DOCK2: variants seen among roughly 807,000 people sequenced by gnomAD.
DOCK2 encodes the protein dedicator of cytokinesis protein 2.
In DOCK2, 87 loss-of-function variants were observed where a neutral mutation model predicts 248.9. The observed-to-expected ratio is 0.35, with a 90% CI of 0.29 to 0.42. The LOEUF (loss-of-function observed/expected upper bound fraction) is 0.42, where lower values mean the gene tolerates loss of function less well. Among genes scored for constraint, DOCK2 ranks in the 10% least tolerant of loss-of-function variants. The pLI is 1.00. For missense variants in DOCK2, 1,747 were observed against 2,300.2 expected (o/e 0.76, Z 4.92); for synonymous variants, 805 against 821.6 (o/e 0.98, Z 0.35).
rs550129399 is a variant in DOCK2, at chr5:169,753,364, C to A, written c.2376+5860C>A. Among the ~76,000 whole-genome samples, 4 of 151,780 alleles carry A rather than the reference C, an allele frequency of 2.6e-5. No individual in the cohort carries two copies. The South Asian group carries it at 6.3e-4, about 24-fold the overall frequency. On this transcript the variant is annotated intron_variant, in intron 23 of 51. Coordinates refer to ENST00000520908, the MANE Select transcript of DOCK2 (RefSeq NM_004946.3). Reference sequence around the variant, plus strand: ...ATGTTCTCCCTGCCCTCACCCCCCCCCACCCCCTGACAGCTCCCCTGTGTG... The same window carrying A: ...ATGTTCTCCCTGCCCTCACCCCCCCACACCCCCTGACAGCTCCCCTGTGTG...
At chr5:169,885,902 C>T (rs1214901289) in intron 27 of DOCK2, among the ~76,000 whole-genome samples, 1 of 152,168 alleles carries the variant, frequency 6.6e-6, no homozygotes, top group Non-Finnish European at 1.5e-5. Flanking sequence ...CATTATCCCC[C>T]TTAGACTTAC....
At chr5:169,881,416 T>C in intron 27 of DOCK2, 1 of 1,551,496 alleles carries the variant, frequency 6.4e-7, no homozygotes, top group Non-Finnish European at 8.7e-7. Flanking sequence ...ATTGTTGAGA[T>C]CTTGGCCAGT....
intron 33 of DOCK2, among the ~76,000 whole-genome samples, chr5:170,023,452 T>G (rs1374155381): frequency 6.6e-6 from 1 of 152,196 alleles, no homozygotes; most frequent in Admixed American, 6.5e-5. Flanking sequence ...GCGTTCTCGG[T>G]ACTGTTGTTT....
chr5:169,893,182 C>A (rs912811408), intron 27 of DOCK2, among the ~76,000 whole-genome samples: 1 of 152,208 alleles, frequency 6.6e-6, no homozygotes, highest in African/African-American at 2.4e-5. Flanking sequence ...AGCCTCAGGG[C>A]ACCTGCCCTG....
chr5:169,932,637 G>T (rs917037956), intron 27 of DOCK2, among the ~76,000 whole-genome samples: 9 of 152,030 alleles, frequency 5.9e-5, no homozygotes, highest in African/African-American at 9.7e-5. Context: ...GTTGTTTTAA[G>T]TAATCCAAAC....
rs548243121 is a variant in DOCK2 at position 170,009,870 on chromosome 5, C to A, written c.3232+1124C>A. On this transcript the variant is annotated intron_variant, in intron 32 of 51. Coordinates refer to ENST00000520908, the MANE Select transcript of DOCK2 (RefSeq NM_004946.3). ...AGACTCGAGCTAAGAGAAGTACATG[C>A]TGGATAACAGGGAGGTTGCAGGTTG... Among the ~76,000 whole-genome samples the A allele has an allele frequency of 3.9e-4, 59 of 152,302 alleles. No individual in the cohort carries two copies. In the Middle Eastern group the frequency reaches 0.01, roughly 26 times the overall value.
At chr5:169,730,003 C>T (rs1449862140) in intron 22 of DOCK2, among the ~76,000 whole-genome samples, 2 of 152,152 alleles carry the variant, frequency 1.3e-5, no homozygotes. Flanking sequence ...GTTGCCCAGG[C>T]TGGAGTGCAA....
rs1179629411 is a variant in DOCK2 at position 170,055,284 on chromosome 5, C to T, written c.4214-21C>T. The T allele has an allele frequency of 3.7e-6, 6 of 1,612,440 alleles. No homozygotes were observed. In the East Asian group the frequency reaches 1.1e-4, roughly 30 times the overall value. On this transcript the variant is annotated intron_variant, in intron 41 of 51. Transcript: ENST00000520908. ...GTCCCCGCAGCCAACAGATATAAGT[C>T]CTTAACTACAGGGATTCCAGATATC... is the stretch of plus-strand genomic sequence containing the variant.
intron 27 of DOCK2, among the ~76,000 whole-genome samples, chr5:169,887,371 G>A (rs1237263814): frequency 2.0e-5 from 3 of 152,074 alleles, no homozygotes; most frequent in African/African-American, 7.2e-5. Flanking sequence ...ACAAAAGGAA[G>A]AAAAAAATCA....
At position 169,764,859 on chromosome 5, in the gene DOCK2, G is replaced by T. The variant is rs1344037593; in HGVS notation, c.2554+3234G>T. 6.6e-6 allele frequency among the ~76,000 whole-genome samples: 1 copy of T among 151,952 alleles called. No individual in the cohort carries two copies. The highest frequency in any genetic ancestry group is 1.5e-5 in the Non-Finnish European group (1 of 68,002). On this transcript the variant is annotated intron_variant, in intron 25 of 51. Coordinates refer to ENST00000520908, the MANE Select transcript of DOCK2 (RefSeq NM_004946.3). The surrounding 1 kb of genome is among the most constrained non-coding windows in gnomAD (Gnocchi z 4.3). ...TTTGAACGTGTTTGTTGTTGTTGTTGTTGTTGTTGTTGTTTTCAATTTTTA... is the reference window on the plus strand; with the variant it reads ...TTTGAACGTGTTTGTTGTTGTTGTTTTTGTTGTTGTTGTTTTCAATTTTTA...
At chr5:169,744,133 G>A (rs898767564) in intron 22 of DOCK2, among the ~76,000 whole-genome samples, 5 of 152,014 alleles carry the variant, frequency 3.3e-5, no homozygotes, top group African/African-American at 1.2e-4. Context: ...CCTGGGATTT[G>A]TGTTATCTGC....
intron 40 of DOCK2, among the ~76,000 whole-genome samples, chr5:170,049,682 G>A (rs919128996): frequency 3.9e-5 from 6 of 152,190 alleles, no homozygotes; most frequent in Non-Finnish European, 7.4e-5. Context: ...GTAGGTTCTA[G>A]TAGCATCCCC....
At chr5:169,881,544 C>T (rs190674097) in intron 27 of DOCK2, 57 of 866,312 alleles carry the variant, frequency 6.6e-5, no homozygotes, top group South Asian at 2.3e-4. Flanking sequence ...ACAGCATTCA[C>T]GGTGCTCTGA....
intron 27 of DOCK2, among the ~76,000 whole-genome samples, chr5:169,870,601 T>A (rs956191592): frequency 2.0e-5 from 3 of 152,152 alleles, no homozygotes; most frequent in Non-Finnish European, 2.9e-5. Context: ...TTTGATTTTT[T>A]AAAATTTTAT....
chr5:169,972,907 C>A (rs528299689), intron 27 of DOCK2, among the ~76,000 whole-genome samples: 4 of 152,246 alleles, frequency 2.6e-5, no homozygotes, highest in Admixed American at 2.6e-4. Flanking sequence ...GCAACCACCC[C>A]CCTCCCCAAT....
At chr5:169,901,887 A>C (rs945658885) in intron 27 of DOCK2, among the ~76,000 whole-genome samples, 1 of 152,186 alleles carries the variant, frequency 6.6e-6, no homozygotes, top group Admixed American at 6.5e-5. Flanking sequence ...CTTCCTCTGC[A>C]TGGTGGCCGC....
At chr5:170,009,123 C>T (rs970507618) in intron 32 of DOCK2, among the ~76,000 whole-genome samples, 6 of 151,966 alleles carry the variant, frequency 3.9e-5, no homozygotes, top group African/African-American at 7.3e-5. Flanking sequence ...GTCCACAAAA[C>T]GTACTCCAAC....
At chr5:169,697,608 A>G (rs1001661264) in intron 10 of DOCK2, among the ~76,000 whole-genome samples, 1 of 152,104 alleles carries the variant, frequency 6.6e-6, no homozygotes, top group African/African-American at 2.4e-5. Flanking sequence ...GAGAGAATGG[A>G]TGCTCGGTTT....
intron 26 of DOCK2, among the ~76,000 whole-genome samples, chr5:169,811,829 C>G (rs571654171): frequency 3.3e-5 from 5 of 152,278 alleles, no homozygotes; most frequent in Admixed American, 1.3e-4. Flanking sequence ...TACCTCCCCC[C>G]ACTCTGCATC....
Sources: allele counts gnomAD v4.1 joint callset (sites outside exome capture counted in the v4.1 genomes callset), GRCh38; gene constraint gnomAD v4.1.1; non-coding constraint Gnocchi (gnomAD v3.1); transcripts MANE v1.5; gene names NCBI Gene and HGNC (gene_info 2026-07-23, HGNC 2026-07-21).